The following CCDC7 variants were observed in gnomAD, a reference collection of about 807,000 sequenced individuals.
CCDC7 encodes the protein coiled-coil domain-containing protein 7.
CCDC7 carries 183 observed loss-of-function variants against 196.9 expected under a neutral mutation model. That is an observed-to-expected ratio of 0.93 (90% confidence interval 0.82 to 1.05). The LOEUF is 1.05. CCDC7 is among the 50% of genes least tolerant of loss of function. The pLI, the probability that CCDC7 is intolerant of heterozygous loss-of-function variation, is 0.00. For synonymous variants in CCDC7, 525 were observed against 484.6 expected (o/e 1.08, Z -1.10); for missense variants, 1,540 against 1,482.2 (o/e 1.04, Z -0.64).
chr10:32,803,449 T>C (rs1470970961), intron 29 of CCDC7, among the ~76,000 whole-genome samples: 1 of 152,172 alleles, frequency 6.6e-6, no homozygotes, highest in African/African-American at 2.4e-5. Context: ...ATATTTATAA[T>C]TGTTATATCC....
chr10:32,561,331 A>G (rs951028550), intron 13 of CCDC7, among the ~76,000 whole-genome samples: 1 of 152,152 alleles, frequency 6.6e-6, no homozygotes, highest in African/African-American at 2.4e-5. Flanking sequence ...CTCCACCCCA[A>G]ATCAACAGGA....
chr10:32,499,222 C>T (rs903250875), intron 9 of CCDC7: 5 of 151,624 alleles, frequency 3.3e-5, no homozygotes, highest in Non-Finnish European at 5.9e-5. Flanking sequence ...TTCTATTACT[C>T]ATGTGTTATT....
chr10:32,694,771 A>G (rs2077497322), intron 23 of CCDC7, 108 bp from the exon 25 acceptor site: 1 of 569,614 alleles, frequency 1.8e-6, no homozygotes, highest in Non-Finnish European at 3.0e-6. Flanking sequence ...TTACTTACAA[A>G]TTTATCAAAA....
chr10:32,467,699 A>G (rs1209802124), intron 5 of CCDC7, among the ~76,000 whole-genome samples: 2 of 152,190 alleles, frequency 1.3e-5, no homozygotes, highest in Non-Finnish European at 2.9e-5. Context: ...GTTGTCTTCC[A>G]GAATTTTTAT....
chr10:32,737,849 CT>C (rs1304705750), intron 28 of CCDC7, among the ~76,000 whole-genome samples: 1 of 152,074 alleles, frequency 6.6e-6, no homozygotes, highest in Non-Finnish European at 1.5e-5. Context: ...TCCAGCTTTG[CT>C]TTGATTAGTT....
At chr10:32,754,114 T>C (rs1452873228) in intron 28 of CCDC7, among the ~76,000 whole-genome samples, 1 of 152,094 alleles carries the variant, frequency 6.6e-6, no homozygotes, top group East Asian at 1.9e-4. Flanking sequence ...AAACCTGTTA[T>C]TATAAATATT....
chr10:32,474,141 A>G (rs2038496885), intron 8 of CCDC7, 118 bp downstream of exon 9: 1 of 857,620 alleles, frequency 1.2e-6, no homozygotes, highest in Non-Finnish European at 1.6e-6. Context: ...TTGGAGCCAT[A>G]TAGTTGAGCT....
intron 25 of CCDC7, among the ~76,000 whole-genome samples, chr10:32,713,640 T>C (rs2081166178): frequency 1.3e-5 from 2 of 152,240 alleles, no homozygotes; most frequent in Admixed American, 6.5e-5. Flanking sequence ...CCTTAGTGCC[T>C]GGTGGGACCA....
chr10:32,823,495 A>T (rs2090606463), intron 31 of CCDC7, among the ~76,000 whole-genome samples: 1 of 152,096 alleles, frequency 6.6e-6, no homozygotes, highest in South Asian at 2.1e-4. Flanking sequence ...TATTTGAATT[A>T]TATTGGTGGT....
exon 28 of CCDC7, chr10:32,729,336 T>A: frequency 6.4e-7 from 1 of 1,559,790 alleles, no homozygotes; most frequent in Non-Finnish European, 8.7e-7. Context: ...ATTTAGCGTT[T>A]CCTTTAGAAA....
chr10:32,756,955 G>A (rs1187252776), intron 28 of CCDC7, among the ~76,000 whole-genome samples: 1 of 152,230 alleles, frequency 6.6e-6, no homozygotes, highest in Non-Finnish European at 1.5e-5. Context: ...TGCAATCCTA[G>A]TCTCTGATAA....
intron 28 of CCDC7, among the ~76,000 whole-genome samples, chr10:32,755,019 C>T (rs1417861159): frequency 6.6e-6 from 1 of 152,162 alleles, no homozygotes; most frequent in Non-Finnish European, 1.5e-5. Context: ...TCACTCACTG[C>T]TAGCACGGCA....
At chr10:32,445,552 C>T (rs547837174), upstream of CCDC7, among the ~76,000 whole-genome samples, 3 of 152,172 alleles carry the variant, frequency 2.0e-5, no homozygotes, top group African/African-American at 7.2e-5. Flanking sequence ...CATTTTACTT[C>T]GTTCAACTTA....
At chr10:32,459,868 G>T (rs1440280189) in intron 3 of CCDC7, among the ~76,000 whole-genome samples, 1 of 151,916 alleles carries the variant, frequency 6.6e-6, no homozygotes, top group Non-Finnish European at 1.5e-5. Context: ...TTATGATTAT[G>T]TGCTTTTGGT....
At chr10:32,854,844 G>T (rs965005940) in intron 41 of CCDC7, among the ~76,000 whole-genome samples, 2 of 151,882 alleles carry the variant, frequency 1.3e-5, no homozygotes, top group Non-Finnish European at 2.9e-5. Context: ...TTTTATCATC[G>T]TTTTTTGCCA....
At chr10:32,842,590 T>C (rs1208556787) in intron 33 of CCDC7, among the ~76,000 whole-genome samples, 1 of 152,088 alleles carries the variant, frequency 6.6e-6, no homozygotes, top group Non-Finnish European at 1.5e-5. Flanking sequence ...ATCCCACTTC[T>C]AGGTATCTAC....
chr10:32,846,662 G>T (rs2136191707), intron 37 of CCDC7, among the ~76,000 whole-genome samples: 1 of 152,206 alleles, frequency 6.6e-6, no homozygotes, highest in Non-Finnish European at 1.5e-5. Flanking sequence ...TCATCCATTT[G>T]AAAAGTAATG....
At chr10:32,870,766 A>T (rs1420155522) in intron 41 of CCDC7, among the ~76,000 whole-genome samples, 3 of 152,104 alleles carry the variant, frequency 2.0e-5, no homozygotes, top group African/African-American at 7.2e-5. Context: ...TTTGAGATAC[A>T]TCCCATCAAT....
intron 9 of CCDC7, among the ~76,000 whole-genome samples, chr10:32,498,179 A>G (rs902247617): frequency 1.3e-5 from 2 of 152,066 alleles, no homozygotes; most frequent in African/African-American, 2.4e-5. Context: ...CTGCTGCTTT[A>G]AAGTCTGTTT....
Sources: allele counts gnomAD v4.1 joint callset (sites outside exome capture counted in the v4.1 genomes callset), GRCh38; gene constraint gnomAD v4.1.1; transcripts MANE v1.5; gene names NCBI Gene and HGNC (gene_info 2026-07-23, HGNC 2026-07-21).